Variants in ADRA1D observed in about 807,000 individuals in gnomAD.
ADRA1D encodes adrenoceptor alpha 1D, also known as alpha-1D adrenergic receptor.
A neutral mutation model predicts 18.6 loss-of-function variants in ADRA1D; 22 were observed. That is an observed-to-expected ratio of 1.19 (90% confidence interval 0.85 to 1.69). The LOEUF (loss-of-function observed/expected upper bound fraction) is 1.69, where lower values mean the gene tolerates loss of function less well. Ranked by LOEUF, ADRA1D falls within the 40% of genes most tolerant of loss-of-function variation. The pLI, the probability that ADRA1D is intolerant of heterozygous loss-of-function variation, is 0.00. For synonymous variants in ADRA1D, 376 were observed against 388.2 expected, an observed-to-expected ratio of 0.97 and a Z score of 0.37; for missense variants, 840 against 840.7, an observed-to-expected ratio of 1.00 and a Z score of 0.01.
At chr20:4,232,757 A>G (rs1220184226) in intron 1 of ADRA1D, among the ~76,000 whole-genome samples, 1 of 152,152 alleles carries the variant, frequency 6.6e-6, no homozygotes, top group Non-Finnish European at 1.5e-5. Context: ...CCCTCAGTCA[A>G]TGGGAGCTGC....
chr20:4,221,712 C>T lies in ADRA1D; in HGVS notation c.1530G>A (p.Leu510=), dbSNP rs548491540. 1.9e-6 allele frequency: 3 copies of T among 1,609,720 alleles called. No homozygotes were observed. In the East Asian group the frequency reaches 6.7e-5, roughly 36 times the overall value. ...LGPFRRPTTQ[L]RAKVSSLSHK... ...GCGACAGGCTGGAGACTTTGGCGCG[C>T]AGCTGGGTCGTGGGTCTCCGGAACG... Residue 510 remains leucine (L), a synonymous_variant, in exon 2 of 2, where the codon CTG becomes CTA. Coordinates refer to ENST00000379453, the MANE Select transcript of ADRA1D (RefSeq NM_000678.4).
rs1981448646 is a variant in ADRA1D at position 4,249,226 on chromosome 20, A to C, written c.-269T>G. On this transcript the variant is annotated 5_prime_UTR_variant, in exon 1 of 2. Transcript: ENST00000379453. ...GCGCGGCGCTCTGAGCGTGCCCGGC[A>C]AGCGGGCAAAGCGGCGGCTCCGGGG... Among the ~76,000 whole-genome samples, 1 of 151,550 alleles carries C rather than the reference A, an allele frequency of 6.6e-6. No individual in the cohort carries two copies. The highest frequency in any genetic ancestry group is 1.5e-5 in the Non-Finnish European group (1 of 67,854).
intron 1 of ADRA1D, among the ~76,000 whole-genome samples, chr20:4,232,636 A>C (rs1980997144): frequency 6.6e-6 from 1 of 152,218 alleles, no homozygotes; most frequent in Non-Finnish European, 1.5e-5. Context: ...GTCTTTGCTC[A>C]CAAAGTCCCT....
rs1981396779 is a variant in ADRA1D, at chr20:4,248,319, C to T, written c.639G>A (p.Ala213=). Residue 213 remains alanine (A), a synonymous_variant, in exon 1 of 2, where the codon GCG becomes GCA. Coordinates refer to ENST00000379453, the MANE Select transcript of ADRA1D (RefSeq NM_000678.4). Reference sequence around the variant, plus strand: ...CCCAGAGCAGGGCCAGGATGGCGGCCGCCTTGCGCTCGGTCATGATGGCTG... The same window carrying T: ...CCCAGAGCAGGGCCAGGATGGCGGCTGCCTTGCGCTCGGTCATGATGGCTG... The part of the protein sequence containing the change: ...KYPAIMTERK[A]AAILALLWVV... 3 of 1,605,954 alleles carry T rather than the reference C, an allele frequency of 1.9e-6. No homozygotes were observed. In the African/African-American group the frequency reaches 4.0e-5, roughly 21 times the overall value.
Position 4,248,679 on chromosome 20 carries a change from G to T in ADRA1D, c.279C>A (p.Ser93Arg), listed in dbSNP as rs1981416972. The T allele has an allele frequency of 1.3e-6, 2 of 1,593,930 alleles. No homozygotes were observed. Among genetic ancestry groups the T allele is most frequent in the African/African-American group, 1.3e-5 (1 of 74,382 alleles). Reference sequence around the variant, plus strand: ...AGACGCCCACGCCCACGCCCTGCGCGCTCACCACCAGTCCCCCGACGGCCG... The same window carrying T: ...AGACGCCCACGCCCACGCCCTGCGCTCTCACCACCAGTCCCCCGACGGCCG... ...GTAAVGGLVV[S>R]AQGVGVGVFL... The change falls in exon 1 of 2, where the codon AGC (serine) becomes AGA (arginine). Residue 93 changes from serine to arginine, a missense_variant. Coordinates refer to ENST00000379453, the MANE Select transcript of ADRA1D (RefSeq NM_000678.4).
intron 1 of ADRA1D, among the ~76,000 whole-genome samples, chr20:4,244,418 C>T (rs935820272): frequency 4.6e-5 from 7 of 152,218 alleles, no homozygotes; most frequent in African/African-American, 7.2e-5. Flanking sequence ...GGTCTTTCAA[C>T]GTCAATGCTC....
intron 1 of ADRA1D, among the ~76,000 whole-genome samples, chr20:4,224,993 GTTTTTTT>G (rs562415272): frequency 4.2e-5 from 5 of 120,096 alleles, no homozygotes; most frequent in South Asian, 2.8e-4. Flanking sequence ...GGCCATCTAA[GTTTTTTT>G]TTTTTTTTTT....
chr20:4,240,749 G>A (rs567487748), intron 1 of ADRA1D, among the ~76,000 whole-genome samples: 182 of 152,258 alleles, frequency 1.2e-3, no homozygotes, highest in African/African-American at 4.2e-3. Flanking sequence ...AGCTGAGATT[G>A]CGCCACTGCA....
rs1055126226 is a variant in ADRA1D, at chr20:4,222,983, C to T, written c.1112-853G>A. On this transcript the variant is annotated intron_variant, in intron 1 of 1. Coordinates refer to ENST00000379453, the MANE Select transcript of ADRA1D (RefSeq NM_000678.4). This position sits in a 1 kb window ranked among gnomAD's most constrained non-coding sequence, Gnocchi z 4.3. ...TAATATGATTCAAACGAACATTAGC[C>T]GTCCCCACGGATATTTTCCTATCAC... is the stretch of plus-strand genomic sequence containing the variant. Among the ~76,000 whole-genome samples the T allele has an allele frequency of 4.6e-5, 7 of 152,032 alleles. No individual in the cohort carries two copies. The highest frequency in any genetic ancestry group is 3.9e-4 in the Admixed American group (6 of 15,276).
rs887033866 is a variant in ADRA1D at position 4,240,300 on chromosome 20, G to A, written c.1111+7547C>T. Among the ~76,000 whole-genome samples the A allele has an allele frequency of 4.6e-5, 7 of 152,118 alleles. No individual in the cohort carries two copies. In the East Asian group the frequency reaches 1.2e-3, roughly 25 times the overall value. The stretch of plus-strand genomic sequence containing the variant: ...AACGTGTGCTCCTTCTGTGGATTCT[G>A]CTTCAAACAAACCAACCAAAAATTT... On this transcript the variant is annotated intron_variant, in intron 1 of 1. Coordinates refer to ENST00000379453, the MANE Select transcript of ADRA1D (RefSeq NM_000678.4).
chr20:4,227,464 C>G (rs1021021924), intron 1 of ADRA1D, among the ~76,000 whole-genome samples: 4 of 152,234 alleles, frequency 2.6e-5, no homozygotes, highest in African/African-American at 9.6e-5. Flanking sequence ...AAAGGCTAAG[C>G]TCTTCCTACC....
chr20:4,227,749 T>TCCTTCCTTCCTTCCTTC (rs1212086180), intron 1 of ADRA1D, among the ~76,000 whole-genome samples: 1 of 126,798 alleles, frequency 7.9e-6, no homozygotes. Context: ...CTTCCTTCCT[T>TCCTTCCTTCCTTCCTTC]CTTCTCTCTC....
chr20:4,241,537 C>T (rs73587566), intron 1 of ADRA1D, among the ~76,000 whole-genome samples: 5,231 of 152,186 alleles, frequency 0.034, 293 homozygotes, highest in African/African-American at 0.12. Flanking sequence ...TGGGTTCTAC[C>T]GTTTCCTTCT....
At chr20:4,237,474 A>AAG (rs1981120270) in intron 1 of ADRA1D, among the ~76,000 whole-genome samples, 2 of 150,088 alleles carry the variant, frequency 1.3e-5, no homozygotes, top group Non-Finnish European at 3.0e-5. Flanking sequence ...AAAAAAAAAA[A>AAG]GAAAGAAAAA....
In ADRA1D at chr20:4,221,404, G is replaced by T; in HGVS notation, c.*119C>A. The T allele has an allele frequency of 1.8e-6, 2 of 1,127,018 alleles. No individual in the cohort carries two copies. The highest frequency in any genetic ancestry group is 2.5e-6 in the Non-Finnish European group (2 of 790,316). The allele number at this position is 1,127,018 out of a possible 1,614,324, so 69.8% of individuals were successfully genotyped here. The stretch of plus-strand genomic sequence containing the variant: ...AGTTCCTCAGGGATGTCACAGAGCA[G>T]CTGCCCTGATCAGTTTCCGGGTCTC... On this transcript the variant is annotated 3_prime_UTR_variant, in exon 2 of 2. Coordinates refer to ENST00000379453, the MANE Select transcript of ADRA1D (RefSeq NM_000678.4).
At chr20:4,243,346 CG>C (rs5840026) in intron 1 of ADRA1D, among the ~76,000 whole-genome samples, 93,905 of 151,852 alleles carry the variant, frequency 0.62, 31,990 homozygotes, top group Non-Finnish European at 0.76. Context: ...CTGGGCTCCT[CG>C]GGGCATCCGG....
At chr20:4,226,149 C>A (rs1394742857) in intron 1 of ADRA1D, among the ~76,000 whole-genome samples, 1 of 152,180 alleles carries the variant, frequency 6.6e-6, no homozygotes, top group Non-Finnish European at 1.5e-5. Context: ...GACTGGTGGG[C>A]AACATGGCAT....
intron 1 of ADRA1D, among the ~76,000 whole-genome samples, chr20:4,223,498 G>C (rs534521937): frequency 1.3e-5 from 2 of 152,264 alleles, no homozygotes; most frequent in South Asian, 2.1e-4. Flanking sequence ...ACACGAGGAG[G>C]CATTACACAT....
At chr20:4,224,434 C>G (rs1980744122) in intron 1 of ADRA1D, among the ~76,000 whole-genome samples, 1 of 152,146 alleles carries the variant, frequency 6.6e-6, no homozygotes, top group Non-Finnish European at 1.5e-5. Flanking sequence ...CAGAAAAGGT[C>G]ATTTTTCCAG....
Sources: allele counts gnomAD v4.1 joint callset (sites outside exome capture counted in the v4.1 genomes callset), GRCh38; gene constraint gnomAD v4.1.1; non-coding constraint Gnocchi (gnomAD v3.1); transcripts MANE v1.5; gene names NCBI Gene and HGNC (gene_info 2026-07-23, HGNC 2026-07-21).